The following CFAP95 variants were observed in gnomAD, a reference collection of about 807,000 sequenced individuals.
CFAP95 encodes the protein cilia and flagella associated protein 95.
At chr9:69,889,493 G>C in the CFAP95 span, among the ~76,000 whole-genome samples, 1 of 152,202 alleles carries the variant, frequency 6.6e-6, no homozygotes, top group Admixed American at 6.5e-5. Flanking sequence ...CCTAGGAACT[G>C]ACTCAGCTAT....
At chr9:69,849,169 T>G in the CFAP95 span, among the ~76,000 whole-genome samples, 1 of 152,236 alleles carries the variant, frequency 6.6e-6, no homozygotes, top group Non-Finnish European at 1.5e-5. Context: ...GTTTGTCACC[T>G]TCTGTTAGAA....
the CFAP95 span, among the ~76,000 whole-genome samples, chr9:69,857,039 G>T: frequency 1.3e-5 from 2 of 151,512 alleles, no homozygotes; most frequent in African/African-American, 4.8e-5. Flanking sequence ...CTGTAAAATG[G>T]GAATTACAAA....
chr9:69,847,685 C>G, the CFAP95 span, among the ~76,000 whole-genome samples: 3 of 152,162 alleles, frequency 2.0e-5, no homozygotes, highest in South Asian at 6.2e-4. Context: ...TGCTGGCTAG[C>G]CCTATTCCCA....
At chr9:69,838,557 G>A in the CFAP95 span, among the ~76,000 whole-genome samples, 4 of 151,628 alleles carry the variant, frequency 2.6e-5, no homozygotes, top group East Asian at 7.8e-4. Flanking sequence ...GTATAAGAAT[G>A]CTTGTGATTT....
the CFAP95 span, among the ~76,000 whole-genome samples, chr9:69,873,449 T>C: frequency 6.6e-6 from 1 of 152,158 alleles, no homozygotes; most frequent in Non-Finnish European, 1.5e-5. Context: ...TTTTTGTGAA[T>C]GATGGTTGCT....
chr9:69,844,571 AG>A, the CFAP95 span: 2 of 1,613,564 alleles, frequency 1.2e-6, no homozygotes. Flanking sequence ...GTCCTGAGAA[AG>A]TTAAAAAACT....
At chr9:69,876,303 C>G in the CFAP95 span, among the ~76,000 whole-genome samples, 2 of 152,102 alleles carry the variant, frequency 1.3e-5, no homozygotes, top group Non-Finnish European at 2.9e-5. Flanking sequence ...GAGACCAAGG[C>G]AGGTGGATCT....
the CFAP95 span, among the ~76,000 whole-genome samples, chr9:69,857,616 T>C: frequency 0.85 from 129,245 of 152,192 alleles, 54,939 homozygotes; most frequent in Middle Eastern, 0.9. Context: ...CCTCTGCCTC[T>C]CAGGTTCAAG....
At chr9:69,838,528 CTGTT>C in the CFAP95 span, among the ~76,000 whole-genome samples, 3 of 151,426 alleles carry the variant, frequency 2.0e-5, no homozygotes, top group Non-Finnish European at 4.4e-5. Flanking sequence ...ATTTGGCTCT[CTGTT>C]TGTCTGTTGT....
At chr9:69,835,984 A>C in the CFAP95 span, among the ~76,000 whole-genome samples, 1 of 152,166 alleles carries the variant, frequency 6.6e-6, no homozygotes, top group East Asian at 1.9e-4. Context: ...GGGGAGCTGC[A>C]GGACCTTCCT....
At chr9:69,865,490 C>G in the CFAP95 span, among the ~76,000 whole-genome samples, 2 of 152,098 alleles carry the variant, frequency 1.3e-5, no homozygotes, top group Non-Finnish European at 2.9e-5. Context: ...CATCCTCTCA[C>G]CTATTCAGTG....
At chr9:69,847,454 A>G in the CFAP95 span, among the ~76,000 whole-genome samples, 11 of 152,210 alleles carry the variant, frequency 7.2e-5, no homozygotes, top group Non-Finnish European at 1.3e-4. Flanking sequence ...CTAAGATCTT[A>G]GAGACTTTTC....
At chr9:69,873,866 A>G in the CFAP95 span, among the ~76,000 whole-genome samples, 1 of 152,212 alleles carries the variant, frequency 6.6e-6, no homozygotes, top group African/African-American at 2.4e-5. Flanking sequence ...ATCCAGTCAC[A>G]TATGTTACCA....
the CFAP95 span, among the ~76,000 whole-genome samples, chr9:69,859,689 C>T: frequency 3.9e-5 from 6 of 152,056 alleles, no homozygotes; most frequent in East Asian, 1.9e-4. Flanking sequence ...CGCATAATGT[C>T]GGGGATATGT....
chr9:69,837,231 T>A, the CFAP95 span, among the ~76,000 whole-genome samples: 1 of 152,232 alleles, frequency 6.6e-6, no homozygotes, highest in East Asian at 1.9e-4. Context: ...TTTATAGTCC[T>A]TTGGGTATAT....
the CFAP95 span, among the ~76,000 whole-genome samples, chr9:69,859,448 C>T: frequency 6.6e-6 from 1 of 151,944 alleles, no homozygotes; most frequent in African/African-American, 2.4e-5. Flanking sequence ...CCCATGCATA[C>T]TCTCTGTTTT....
the CFAP95 span, among the ~76,000 whole-genome samples, chr9:69,888,444 T>C: frequency 2.0e-5 from 3 of 152,118 alleles, no homozygotes; most frequent in Non-Finnish European, 1.5e-5. Context: ...AAATAATATA[T>C]GGGCAGTTTA....
the CFAP95 span, chr9:69,886,775 T>C: frequency 1.4e-5 from 18 of 1,252,232 alleles, no homozygotes; most frequent in African/African-American, 2.1e-4. Flanking sequence ...TGTATACCAA[T>C]AAAAATGTAA....
At chr9:69,890,673 T>A in the CFAP95 span, among the ~76,000 whole-genome samples, 1 of 152,242 alleles carries the variant, frequency 6.6e-6, no homozygotes, top group African/African-American at 2.4e-5. Context: ...TCATTCGGTC[T>A]ACTACATCTG....
Sources: gnomAD v4.1 joint callset for allele counts (sites outside exome capture counted in the v4.1 genomes callset) on GRCh38, gnomAD v4.1.1 for gene constraint, MANE v1.5 for transcripts, NCBI Gene and HGNC (gene_info 2026-07-23, HGNC 2026-07-21) for gene names.